Variants in FSTL5 observed in about 807,000 individuals in gnomAD.
FSTL5 encodes the protein follistatin-related protein 5.
In FSTL5, 62 loss-of-function variants were observed where a neutral mutation model predicts 89.1. The ratio of observed to expected loss-of-function variants is 0.70; its 90% CI spans 0.57 to 0.86. The LOEUF (loss-of-function observed/expected upper bound fraction) is 0.86, where lower values mean the gene tolerates loss of function less well. FSTL5 is among the 40% of genes least tolerant of loss of function. FSTL5 has a pLI of 0.00. For missense variants in FSTL5, 1,057 were observed against 1,001.6 expected (o/e 1.06, Z -0.75); for synonymous variants, 383 against 346.2 (o/e 1.11, Z -1.18).
intron 6 of FSTL5, among the ~76,000 whole-genome samples, chr4:161,701,647 C>A (rs1236620855): frequency 6.6e-6 from 1 of 152,128 alleles, no homozygotes; most frequent in Non-Finnish European, 1.5e-5. Context: ...AGTGACCATT[C>A]ATCCTGACCA....
chr4:161,696,853 G>T (rs1236178177), intron 6 of FSTL5, among the ~76,000 whole-genome samples: 1 of 152,154 alleles, frequency 6.6e-6, no homozygotes, highest in Non-Finnish European at 1.5e-5. Context: ...CTTTAAGGAG[G>T]AGTCTTTAGG....
chr4:162,043,520 C>G (rs1238000237), intron 2 of FSTL5, among the ~76,000 whole-genome samples: 1 of 152,098 alleles, frequency 6.6e-6, no homozygotes, highest in African/African-American at 2.4e-5. Context: ...GTGTTGATAG[C>G]TGTCAACTGA....
chr4:162,109,747 C>G lies in FSTL5; in HGVS notation c.126+1524G>C, dbSNP rs371641876. Reference sequence around the variant, plus strand: ...CATCATCATGCATTCATTTTTCTGCCGTTGATTTAATTAAACAGTGTCTCT... The same window carrying G: ...CATCATCATGCATTCATTTTTCTGCGGTTGATTTAATTAAACAGTGTCTCT... On this transcript the variant is annotated intron_variant, in intron 2 of 15. Transcript: ENST00000306100. 2.1e-3 allele frequency among the ~76,000 whole-genome samples: 318 copies of G among 152,024 alleles called. 2 individuals carry two copies. Among genetic ancestry groups the G allele is most frequent in the African/African-American group, 7.4e-3 (306 of 41,500 alleles).
Position 161,820,677 on chromosome 4 carries a change from C to T in FSTL5, c.410-44603G>A, listed in dbSNP as rs370947619. ...TGATTCTCAATGCTCATTTCCTTCA[C>T]GGACTTGGCACAGATGAGCAGGGGA... On this transcript the variant is annotated intron_variant, in intron 4 of 15. Transcript: ENST00000306100. Among the ~76,000 whole-genome samples the T allele has an allele frequency of 3.9e-5, 6 of 152,174 alleles. No homozygotes were observed. The East Asian group carries it at 9.7e-4, about 25-fold the overall frequency.
intron 4 of FSTL5, among the ~76,000 whole-genome samples, chr4:161,800,187 A>C (rs957661102): frequency 6.6e-6 from 1 of 151,558 alleles, no homozygotes; most frequent in Non-Finnish European, 1.5e-5. Context: ...GTGATCTCTT[A>C]TTTTTCCATA....
intron 1 of FSTL5, 129 bp from the exon 2 acceptor site, chr4:162,111,541 G>A: frequency 1.6e-6 from 1 of 606,736 alleles, no homozygotes; most frequent in East Asian, 3.0e-5. Flanking sequence ...AGTTGCCAAG[G>A]GAAATGAGAA....
At chr4:161,772,624 A>T (rs906658116) in intron 5 of FSTL5, among the ~76,000 whole-genome samples, 3 of 152,158 alleles carry the variant, frequency 2.0e-5, no homozygotes, top group African/African-American at 7.2e-5. Flanking sequence ...AATACTTAGG[A>T]ATATACCTAA....
intron 15 of FSTL5, chr4:161,386,956 T>C (rs900606626): frequency 6.4e-6 from 1 of 155,256 alleles, no homozygotes; most frequent in Admixed American, 6.3e-5. Context: ...AACCTTTCAA[T>C]GTTTATATGT....
At chr4:161,635,497 A>G in intron 7 of FSTL5, among the ~76,000 whole-genome samples, 1 of 152,206 alleles carries the variant, frequency 6.6e-6, no homozygotes, top group African/African-American at 2.4e-5. Flanking sequence ...AAATTAAAAA[A>G]AAAAAAAATC....
At chr4:161,643,473 T>C (rs1013929373) in intron 7 of FSTL5, among the ~76,000 whole-genome samples, 2 of 118,124 alleles carry the variant, frequency 1.7e-5, no homozygotes, top group Non-Finnish European at 3.9e-5. Flanking sequence ...GTAACGGAGT[T>C]TTTTTTTTTT....
intron 1 of FSTL5, among the ~76,000 whole-genome samples, chr4:162,150,830 A>G (rs1371439854): frequency 1.3e-5 from 2 of 152,212 alleles, no homozygotes; most frequent in African/African-American, 2.4e-5. Context: ...TAATAAAAGC[A>G]TAACTGAATT....
intron 4 of FSTL5, among the ~76,000 whole-genome samples, chr4:161,778,378 A>T (rs1434624): frequency 0.73 from 111,596 of 152,090 alleles, 40,996 homozygotes; most frequent in Non-Finnish European, 0.76. Context: ...CTAACTTTAT[A>T]ATTATGATCA....
At chr4:162,029,102 T>C (rs941712133) in intron 3 of FSTL5, among the ~76,000 whole-genome samples, 5 of 151,364 alleles carry the variant, frequency 3.3e-5, no homozygotes, top group Non-Finnish European at 1.5e-5. Flanking sequence ...TCTGAACACA[T>C]GGTTGCAAAA....
In FSTL5 at chr4:161,401,323, T is replaced by C. The variant is rs115075234; in HGVS notation, c.1842-14874A>G. Reference sequence around the variant, plus strand: ...TTGAGAAATTTTATGAGGAAGAAAGTAGAAATAGAAAAGCCAAAGTATGTT... The same window carrying C: ...TTGAGAAATTTTATGAGGAAGAAAGCAGAAATAGAAAAGCCAAAGTATGTT... On this transcript the variant is annotated intron_variant, in intron 15 of 15. Coordinates refer to ENST00000306100, the MANE Select transcript of FSTL5 (RefSeq NM_020116.5). Among the ~76,000 whole-genome samples, 610 of 152,272 alleles carry C rather than the reference T, an allele frequency of 4.0e-3. 2 individuals are homozygous for C. The highest frequency in any genetic ancestry group is 7.0e-3 in the Non-Finnish European group (473 of 68,000).
At chr4:161,568,844 C>T (rs1283697992) in intron 8 of FSTL5, among the ~76,000 whole-genome samples, 1 of 152,114 alleles carries the variant, frequency 6.6e-6, no homozygotes, top group East Asian at 1.9e-4. Flanking sequence ...TAGGTTATTA[C>T]TCTAAATTAT....
At chr4:161,957,350 T>C (rs1308843170) in intron 3 of FSTL5, among the ~76,000 whole-genome samples, 1 of 152,124 alleles carries the variant, frequency 6.6e-6, no homozygotes, top group Non-Finnish European at 1.5e-5. Context: ...TCTCATTTTA[T>C]AAATCACAGT....
intron 13 of FSTL5, among the ~76,000 whole-genome samples, chr4:161,475,825 C>T (rs2126443585): frequency 6.6e-6 from 1 of 152,150 alleles, no homozygotes; most frequent in South Asian, 2.1e-4. Flanking sequence ...TCTCAGCTCA[C>T]TGCAAGCTCC....
chr4:161,888,787 T>C (rs1732894987), intron 4 of FSTL5, among the ~76,000 whole-genome samples: 1 of 152,102 alleles, frequency 6.6e-6, no homozygotes, highest in South Asian at 2.1e-4. Flanking sequence ...ACCCAAAATA[T>C]CATGACAGTG....
At chr4:162,105,774 T>C (rs988062949) in intron 2 of FSTL5, among the ~76,000 whole-genome samples, 6 of 152,196 alleles carry the variant, frequency 3.9e-5, no homozygotes, top group African/African-American at 1.4e-4. Context: ...ACCGAGGACA[T>C]ATTTGCTCTC....
Sources: allele counts gnomAD v4.1 joint callset (sites outside exome capture counted in the v4.1 genomes callset), GRCh38; gene constraint gnomAD v4.1.1; transcripts MANE v1.5; gene names NCBI Gene and HGNC (gene_info 2026-07-23, HGNC 2026-07-21).